THADA: variants seen among roughly 807,000 people sequenced by gnomAD.
THADA encodes tRNA (32-2'-O)-methyltransferase regulator THADA.
THADA carries 213 observed loss-of-function variants against 219.8 expected under a neutral mutation model. The ratio of observed to expected loss-of-function variants is 0.97; its 90% confidence interval spans 0.87 to 1.09. The LOEUF is 1.09. Among genes scored for constraint, THADA ranks in the 50% least tolerant of loss-of-function variants. THADA has a pLI of 0.00. For synonymous variants in THADA, 1,018 were observed against 828.9 expected (o/e 1.23, Z -3.92); for missense variants, 2,956 against 2,311.3 (o/e 1.28, Z -5.72).
At chr2:43,447,876 G>C (rs1173507745) in intron 26 of THADA, among the ~76,000 whole-genome samples, 1 of 151,950 alleles carries the variant, frequency 6.6e-6, no homozygotes, top group Non-Finnish European at 1.5e-5. Flanking sequence ...AAACCACTCT[G>C]GTCTTTGCAT....
chr2:43,523,713 C>T (rs1262821977), intron 22 of THADA, among the ~76,000 whole-genome samples: 1 of 152,090 alleles, frequency 6.6e-6, no homozygotes, highest in Admixed American at 6.5e-5. Flanking sequence ...CTAAATGTCA[C>T]AATTTAATTT....
chr2:43,433,409 A>G (rs1329725487), intron 26 of THADA, among the ~76,000 whole-genome samples: 1 of 151,954 alleles, frequency 6.6e-6, no homozygotes, highest in Non-Finnish European at 1.5e-5. Flanking sequence ...CATGCCTGTA[A>G]TCCCAGCTAC....
intron 30 of THADA, among the ~76,000 whole-genome samples, chr2:43,342,012 A>G (rs1054922079): frequency 2.0e-5 from 3 of 152,160 alleles, no homozygotes; most frequent in African/African-American, 7.2e-5. Context: ...GGAGTTCGAG[A>G]CCAGCCTGGG....
chr2:43,333,389 C>A (rs1040036552), intron 30 of THADA: 1 of 151,640 alleles, frequency 6.6e-6, no homozygotes, highest in African/African-American at 2.4e-5. Context: ...GGATTAAAGA[C>A]GGGTCCTAAT....
At chr2:43,502,658 G>T (rs922520622) in intron 24 of THADA, among the ~76,000 whole-genome samples, 2 of 151,392 alleles carry the variant, frequency 1.3e-5, no homozygotes, top group African/African-American at 4.8e-5. Context: ...CCATCTTGGG[G>T]TATAATTTCT....
intron 30 of THADA, 125 bp downstream of exon 30, chr2:43,343,997 A>G: frequency 1.5e-6 from 1 of 658,840 alleles, no homozygotes; most frequent in South Asian, 2.2e-5. Flanking sequence ...AAAAGGATAA[A>G]TACTCCAATA....
At chr2:43,493,923 C>T (rs1687957492) in intron 25 of THADA, among the ~76,000 whole-genome samples, 1 of 152,130 alleles carries the variant, frequency 6.6e-6, no homozygotes, top group Admixed American at 6.5e-5. Context: ...CCACTTTTAC[C>T]TACATCAATC....
chr2:43,320,558 A>G lies in THADA; in HGVS notation c.4344-18T>C, dbSNP rs1029763173. On this transcript the variant is annotated intron_variant, in intron 30 of 37. Transcript: ENST00000405975. ...GATTTTGCCTAGAAAGGTAAAGAAC[A>G]GAATATAAATTGAGATTTTCTCTCC... is the stretch of plus-strand genomic sequence containing the variant. 3.8e-6 allele frequency: 6 copies of G among 1,588,592 alleles called. No individual in the cohort carries two copies. The Admixed American group carries it at 1.0e-4, about 27-fold the overall frequency.
At chr2:43,260,317 A>C (rs1186155869) in intron 36 of THADA, among the ~76,000 whole-genome samples, 8 of 152,174 alleles carry the variant, frequency 5.3e-5, no homozygotes, top group African/African-American at 1.9e-4. Context: ...CTTTTTTATT[A>C]GTGAGGATGA....
At chr2:43,549,451 C>T in intron 19 of THADA, 83 bp from the exon 20 acceptor site, 1 of 1,365,396 alleles carries the variant, frequency 7.3e-7, no homozygotes, top group Non-Finnish European at 9.8e-7. Flanking sequence ...CTCAAAAAAT[C>T]TATAATTTTC....
intron 28 of THADA, among the ~76,000 whole-genome samples, chr2:43,404,273 G>C (rs909821783): frequency 5.3e-5 from 8 of 152,054 alleles, no homozygotes; most frequent in African/African-American, 1.4e-4. Flanking sequence ...GCTCACTGCA[G>C]CCTTGAATTC....
At chr2:43,390,593 C>T (rs542583345) in intron 29 of THADA, among the ~76,000 whole-genome samples, 1 of 152,066 alleles carries the variant, frequency 6.6e-6, no homozygotes, top group Non-Finnish European at 1.5e-5. Flanking sequence ...TTCCTTTGTC[C>T]GCAGCAACGA....
intron 29 of THADA, among the ~76,000 whole-genome samples, chr2:43,356,532 C>T (rs1284753206): frequency 3.3e-5 from 5 of 152,058 alleles, no homozygotes; most frequent in African/African-American, 1.2e-4. Flanking sequence ...GCTAATTCCC[C>T]TAAGGAACAA....
At chr2:43,523,588 T>A (rs1022583921) in intron 22 of THADA, among the ~76,000 whole-genome samples, 2 of 152,238 alleles carry the variant, frequency 1.3e-5, no homozygotes, top group Non-Finnish European at 2.9e-5. Context: ...CTGTTGAATT[T>A]GAATCATGGT....
chr2:43,322,318 A>T (rs948555399), intron 30 of THADA, among the ~76,000 whole-genome samples: 1 of 152,010 alleles, frequency 6.6e-6, no homozygotes, highest in Non-Finnish European at 1.5e-5. Context: ...AGCATGGCCA[A>T]CATGGTGAAA....
intron 26 of THADA, among the ~76,000 whole-genome samples, chr2:43,479,974 G>C (rs1482921080): frequency 1.3e-5 from 2 of 152,158 alleles, no homozygotes; most frequent in Non-Finnish European, 2.9e-5. Flanking sequence ...GAGATTATTG[G>C]TCAACATTCA....
intron 29 of THADA, among the ~76,000 whole-genome samples, chr2:43,346,177 A>T (rs968922735): frequency 6.6e-6 from 1 of 152,180 alleles, no homozygotes; most frequent in African/African-American, 2.4e-5. Flanking sequence ...GGGAGAAGAG[A>T]AGACAGGGGA....
At chr2:43,293,311 T>C in intron 31 of THADA, 98 bp from the exon 32 acceptor site, 1 of 1,352,628 alleles carries the variant, frequency 7.4e-7, no homozygotes, top group Non-Finnish European at 1.0e-6. Context: ...CGTGAGGCCA[T>C]CAGATGTCTC....
chr2:43,531,017 C>T (rs148132651), intron 21 of THADA, among the ~76,000 whole-genome samples: 2 of 152,266 alleles, frequency 1.3e-5, no homozygotes, highest in African/African-American at 4.8e-5. Context: ...TGTAAAATTC[C>T]TGTTAGATAA....
Sources: allele counts gnomAD v4.1 joint callset (sites outside exome capture counted in the v4.1 genomes callset), GRCh38; gene constraint gnomAD v4.1.1; transcripts MANE v1.5; gene names NCBI Gene and HGNC (gene_info 2026-07-23, HGNC 2026-07-21).